The following SNTB1 variants were observed in gnomAD, a reference collection of about 807,000 sequenced individuals.
SNTB1 encodes syntrophin beta 1.
Under a neutral mutation model 48.9 loss-of-function variants are expected in SNTB1, and 36 were observed. That is an observed-to-expected ratio of 0.74 (90% CI 0.56 to 0.97). SNTB1 has a LOEUF of 0.97. Among genes scored for constraint, SNTB1 ranks in the 50% least tolerant of loss-of-function variants. The pLI is 0.00. For synonymous variants in SNTB1, 299 were observed against 294.6 expected, an observed-to-expected ratio of 1.01 and a Z score of -0.15; for missense variants, 786 against 703.4, an observed-to-expected ratio of 1.12 and a Z score of -1.33.
intron 1 of SNTB1, among the ~76,000 whole-genome samples, chr8:120,701,785 G>A (rs1818313221): frequency 1.3e-5 from 2 of 152,210 alleles, no homozygotes; most frequent in Non-Finnish European, 2.9e-5. Context: ...TTGAAGGATG[G>A]CCAAAATGTT....
chr8:120,639,145 A>G (rs1311665561), intron 2 of SNTB1, among the ~76,000 whole-genome samples: 1 of 152,196 alleles, frequency 6.6e-6, no homozygotes, highest in Non-Finnish European at 1.5e-5. Flanking sequence ...ATGGCCAGTG[A>G]TGATGAGCAT....
chr8:120,811,216 G>A, intron 1 of SNTB1, 57 bp downstream of exon 1: 1 of 1,525,828 alleles, frequency 6.6e-7, no homozygotes, highest in East Asian at 2.3e-5. Flanking sequence ...CGTGCGGGTG[G>A]GAAGCCGAGC....
At chr8:120,553,233 G>A (rs4286988) in intron 4 of SNTB1, among the ~76,000 whole-genome samples, 10,459 of 152,102 alleles carry the variant, frequency 0.069, 794 homozygotes, top group African/African-American at 0.19. Context: ...ACAGAGAAGA[G>A]GAAAATTGAT....
intron 4 of SNTB1, among the ~76,000 whole-genome samples, chr8:120,555,293 G>A (rs912667489): frequency 2.6e-5 from 4 of 152,196 alleles, no homozygotes. Flanking sequence ...GAGCAGAAAG[G>A]ACCGGTTGGC....
At chr8:120,692,008 C>G (rs1563852988) in intron 2 of SNTB1, among the ~76,000 whole-genome samples, 1 of 152,202 alleles carries the variant, frequency 6.6e-6, no homozygotes, top group Non-Finnish European at 1.5e-5. Flanking sequence ...GGGAACAAAA[C>G]AGAGAACAGG....
intron 4 of SNTB1, among the ~76,000 whole-genome samples, chr8:120,573,545 C>CATTT (rs61201269): frequency 0.14 from 21,614 of 151,696 alleles, 2,031 homozygotes; most frequent in East Asian, 0.44. Context: ...GATGTAGTTC[C>CATTT]ATTTATTTAT....
At chr8:120,608,177 C>T (rs947208934) in intron 3 of SNTB1, among the ~76,000 whole-genome samples, 1 of 152,272 alleles carries the variant, frequency 6.6e-6, no homozygotes, top group Non-Finnish European at 1.5e-5. Context: ...ATTAAACACC[C>T]AATGAAGATG....
intron 1 of SNTB1, among the ~76,000 whole-genome samples, chr8:120,770,830 A>G (rs1367915378): frequency 6.6e-6 from 1 of 152,146 alleles, no homozygotes; most frequent in Non-Finnish European, 1.5e-5. Flanking sequence ...AAATTTTTAA[A>G]AAGTACAGAC....
At chr8:120,619,729 T>G (rs1816764732) in intron 3 of SNTB1, among the ~76,000 whole-genome samples, 1 of 152,170 alleles carries the variant, frequency 6.6e-6, no homozygotes, top group Admixed American at 6.5e-5. Context: ...TGCTGATGAC[T>G]TGCACTAATT....
intron 3 of SNTB1, among the ~76,000 whole-genome samples, chr8:120,623,537 C>T (rs750891094): frequency 5.3e-5 from 8 of 152,234 alleles, no homozygotes; most frequent in Non-Finnish European, 8.8e-5. Flanking sequence ...TGCTGTGTCA[C>T]TCTGCTCCCT....
chr8:120,747,161 C>A (rs1819139193), intron 1 of SNTB1, among the ~76,000 whole-genome samples: 1 of 152,018 alleles, frequency 6.6e-6, no homozygotes, highest in Non-Finnish European at 1.5e-5. Flanking sequence ...CCATATACAC[C>A]ATGGAATACT....
chr8:120,550,815 G>A (rs1423050268), intron 4 of SNTB1, among the ~76,000 whole-genome samples: 1 of 152,130 alleles, frequency 6.6e-6, no homozygotes, highest in African/African-American at 2.4e-5. Flanking sequence ...GGCTTTAAAG[G>A]GAGTAAGGGT....
intron 2 of SNTB1, among the ~76,000 whole-genome samples, chr8:120,633,257 T>A (rs906549936): frequency 6.6e-6 from 1 of 152,180 alleles, no homozygotes; most frequent in African/African-American, 2.4e-5. Context: ...TGTAAAGGCA[T>A]GAATTGGCCT....
intron 1 of SNTB1, chr8:120,776,681 T>C (rs1488481443): frequency 6.6e-6 from 1 of 152,196 alleles, no homozygotes; most frequent in Non-Finnish European, 1.5e-5. Flanking sequence ...ATACAAGGCC[T>C]CCTGCTAAAT....
At chr8:120,732,294 G>C (rs963400459) in intron 1 of SNTB1, among the ~76,000 whole-genome samples, 9 of 152,144 alleles carry the variant, frequency 5.9e-5, no homozygotes, top group African/African-American at 2.2e-4. Context: ...TACAGTTTAT[G>C]ATTAAAATAA....
At chr8:120,539,417 A>G (rs1326078896) in intron 6 of SNTB1, among the ~76,000 whole-genome samples, 1 of 152,218 alleles carries the variant, frequency 6.6e-6, no homozygotes, top group Non-Finnish European at 1.5e-5. Context: ...ACTAATTCAC[A>G]GAGTCATTAG....
chr8:120,713,632 A>G (rs1047532311), intron 1 of SNTB1, among the ~76,000 whole-genome samples: 14 of 152,236 alleles, frequency 9.2e-5, no homozygotes, highest in South Asian at 4.1e-4. Flanking sequence ...TGGGAGGCTG[A>G]GGCAGAAGAA....
Position 120,682,885 on chromosome 8 carries a change from T to TG in SNTB1, c.788+10806_788+10807insC, listed in dbSNP as rs553289609. Among the ~76,000 whole-genome samples the TG allele has an allele frequency of 3.7e-3, 548 of 149,042 alleles. 3 individuals carry two copies. Among genetic ancestry groups the TG allele is most frequent in the African/African-American group, 0.013 (509 of 40,362 alleles). On this transcript the variant is annotated intron_variant, in intron 2 of 6. Coordinates refer to ENST00000517992, the MANE Select transcript of SNTB1 (RefSeq NM_021021.4). ...TAGTTTTTTGTTTGTTTTTAGTTTT[T>TG]TTTTTTTTTTTTTTGAGATGGGGAC... is the stretch of plus-strand genomic sequence containing the variant.
intron 1 of SNTB1, among the ~76,000 whole-genome samples, chr8:120,718,526 T>C (rs1255045686): frequency 1.3e-5 from 2 of 152,220 alleles, no homozygotes; most frequent in African/African-American, 4.8e-5. Flanking sequence ...GTAAATTTGA[T>C]TGATAATGTT....
Sources: allele counts gnomAD v4.1 joint callset (sites outside exome capture counted in the v4.1 genomes callset), GRCh38; gene constraint gnomAD v4.1.1; transcripts MANE v1.5; gene names NCBI Gene and HGNC (gene_info 2026-07-23, HGNC 2026-07-21).